Variants in ZFAND3 observed in about 807,000 individuals in gnomAD.
The protein encoded by ZFAND3 is zinc finger AN1-type containing 3.
Under a neutral mutation model 29.6 loss-of-function variants are expected in ZFAND3, and 10 were observed. That is an observed-to-expected ratio of 0.34 (90% confidence interval 0.21 to 0.57). ZFAND3 has a LOEUF of 0.57. Among genes scored for constraint, ZFAND3 ranks in the 20% least tolerant of loss-of-function variants. The probability of loss-of-function intolerance (pLI) is 0.86; values close to 1 mark genes in which losing one functional copy is unlikely to be tolerated. For missense variants in ZFAND3, 230 were observed against 304.5 expected, an observed-to-expected ratio of 0.76 and a Z score of 1.82; for synonymous variants, 128 against 112.6, an observed-to-expected ratio of 1.14 and a Z score of -0.87.
rs569936534 is a variant in ZFAND3 at position 37,841,391 on chromosome 6, C to T, written c.71+21375C>T. On this transcript the variant is annotated intron_variant, in intron 1 of 5. Coordinates refer to ENST00000287218, the MANE Select transcript of ZFAND3 (RefSeq NM_021943.3). ...ATCTATTAATCTTATTTTTTATTTTCCAAGTAAATTGTAGACTCAATACAT... is the reference window on the plus strand; with the variant it reads ...ATCTATTAATCTTATTTTTTATTTTTCAAGTAAATTGTAGACTCAATACAT... Among the ~76,000 whole-genome samples, 8 of 152,298 alleles carry T rather than the reference C, an allele frequency of 5.3e-5. No individual in the cohort carries two copies. In the South Asian group the frequency reaches 1.7e-3, roughly 32 times the overall value.
intron 2 of ZFAND3, among the ~76,000 whole-genome samples, chr6:38,025,303 A>T (rs899303947): frequency 6.6e-6 from 1 of 152,224 alleles, no homozygotes; most frequent in African/African-American, 2.4e-5. Flanking sequence ...ATACTTTTTC[A>T]TAATTACTGG....
intron 1 of ZFAND3, among the ~76,000 whole-genome samples, chr6:37,855,319 T>C (rs1209407970): frequency 6.6e-6 from 1 of 151,142 alleles, no homozygotes; most frequent in East Asian, 1.9e-4. Flanking sequence ...TAACTCTTTT[T>C]TTTTTTTTTT....
At chr6:38,094,388 T>C (rs1464961498) in intron 4 of ZFAND3, among the ~76,000 whole-genome samples, 5 of 152,094 alleles carry the variant, frequency 3.3e-5, no homozygotes, top group Non-Finnish European at 7.4e-5. Context: ...TAAGATTTCA[T>C]TTTTATAAAA....
chr6:38,048,965 C>A (rs1209643793), intron 2 of ZFAND3, among the ~76,000 whole-genome samples: 1 of 152,106 alleles, frequency 6.6e-6, no homozygotes, highest in Non-Finnish European at 1.5e-5. Context: ...AAGGGTCTTA[C>A]ATTTTTGGCT....
intron 1 of ZFAND3, among the ~76,000 whole-genome samples, chr6:37,821,219 T>G (rs1233027504): frequency 1.3e-5 from 2 of 152,174 alleles, no homozygotes; most frequent in East Asian, 3.8e-4. Flanking sequence ...AAGTGGATCT[T>G]AATGTAGACT....
Position 38,154,230 on chromosome 6 carries a change from GA to G in ZFAND3, c.*1843del. ...TAGGCTTCCGCCAAGCTCTGGTCCC[GA>G]AGAGGCTGTGCGAGCCCTTCCCGGC... On this transcript the variant is annotated 3_prime_UTR_variant, in exon 6 of 6. Coordinates refer to ENST00000287218, the MANE Select transcript of ZFAND3 (RefSeq NM_021943.3). The G allele has an allele frequency of 1.0e-6, 1 of 985,552 alleles. No homozygotes were observed. Among genetic ancestry groups the G allele is most frequent in the Non-Finnish European group, 1.2e-6 (1 of 830,024 alleles). The allele number at this position is 985,552 out of a possible 1,614,324, so 61.1% of individuals were successfully genotyped here.
chr6:37,936,200 A>C (rs1257620035), intron 2 of ZFAND3, among the ~76,000 whole-genome samples: 2 of 152,246 alleles, frequency 1.3e-5, no homozygotes, highest in Non-Finnish European at 2.9e-5. Flanking sequence ...GAGGATGATC[A>C]CAAGTGGGGA....
chr6:38,130,728 G>T (rs1027444094), intron 5 of ZFAND3, among the ~76,000 whole-genome samples: 4 of 152,084 alleles, frequency 2.6e-5, no homozygotes, highest in Non-Finnish European at 5.9e-5. Context: ...ATTTTGTTAA[G>T]GATTTTAGCA....
intron 5 of ZFAND3, among the ~76,000 whole-genome samples, chr6:38,140,673 T>A (rs1345440983): frequency 2.0e-5 from 3 of 152,168 alleles, no homozygotes; most frequent in Non-Finnish European, 4.4e-5. Context: ...GGTGTTTTTT[T>A]ATACCCAAAT....
chr6:37,974,706 T>C (rs995734821), intron 2 of ZFAND3, among the ~76,000 whole-genome samples: 1 of 152,186 alleles, frequency 6.6e-6, no homozygotes, highest in South Asian at 2.1e-4. Flanking sequence ...ATATATACTC[T>C]TGTTTGGTCT....
intron 2 of ZFAND3, among the ~76,000 whole-genome samples, chr6:37,933,361 G>C (rs749718707): frequency 3.9e-5 from 6 of 152,180 alleles, no homozygotes; most frequent in Non-Finnish European, 8.8e-5. Context: ...AGAATACGTT[G>C]TAGGTTAGGA....
Position 37,827,643 on chromosome 6 carries a change from A to G in ZFAND3, c.71+7627A>G, listed in dbSNP as rs745347961. On this transcript the variant is annotated intron_variant, in intron 1 of 5. Coordinates refer to ENST00000287218, the MANE Select transcript of ZFAND3 (RefSeq NM_021943.3). ...CTGTGATGCACCCAGGCTAATAGAA[A>G]TAAGTGAATGAAAATGCATGTCATC... is the stretch of plus-strand genomic sequence containing the variant. Among the ~76,000 whole-genome samples the G allele has an allele frequency of 2.0e-5, 3 of 152,214 alleles. No homozygotes were observed. In the East Asian group the frequency reaches 5.8e-4, roughly 29 times the overall value.
rs150811022 is a variant in ZFAND3 at position 38,074,124 on chromosome 6, G to A, written c.296-8268G>A. Among the ~76,000 whole-genome samples, 763 of 152,250 alleles carry A rather than the reference G, an allele frequency of 5.0e-3. 9 individuals are homozygous for A. Among genetic ancestry groups the A allele is most frequent in the African/African-American group, 0.015 (631 of 41,544 alleles). ...CAGTGGTTCTCAAATGTGGTCCAAA[G>A]ATCCATAGAAGTCCCCAAGTCCCTC... On this transcript the variant is annotated intron_variant, in intron 3 of 5. Transcript: ENST00000287218.
chr6:38,121,133 C>A (rs1765525958), intron 5 of ZFAND3, among the ~76,000 whole-genome samples: 1 of 152,062 alleles, frequency 6.6e-6, no homozygotes, highest in Non-Finnish European at 1.5e-5. Context: ...GTGGGGGAAT[C>A]CCTTGAGGCC....
rs1358884524 is a variant in ZFAND3, at chr6:37,874,509, C to T, written c.71+54493C>T. On this transcript the variant is annotated intron_variant, in intron 1 of 5. Coordinates refer to ENST00000287218, the MANE Select transcript of ZFAND3 (RefSeq NM_021943.3). ...AGCCTGGGCAACAAGAGTGAAACTC[C>T]GTCTCAAAAAAAAAAAAAAAAAAAA... is the stretch of plus-strand genomic sequence containing the variant. Among the ~76,000 whole-genome samples, 5 of 106,266 alleles carry T rather than the reference C, an allele frequency of 4.7e-5. No individual in the cohort carries two copies. The East Asian group carries it at 7.2e-4, about 15-fold the overall frequency. 69.7% of individuals were successfully genotyped at this position (106,266 alleles called of 152,430 possible).
rs150516118 is a variant in ZFAND3 at position 38,046,878 on chromosome 6, A to G, written c.113-14715A>G. ...ATGGCATTCATACACTCAGATTTTTATTAACGCTATTACAGAATTTAGTAC... is the reference window on the plus strand; with the variant it reads ...ATGGCATTCATACACTCAGATTTTTGTTAACGCTATTACAGAATTTAGTAC... On this transcript the variant is annotated intron_variant, in intron 2 of 5. Coordinates refer to ENST00000287218, the MANE Select transcript of ZFAND3 (RefSeq NM_021943.3). 6.6e-5 allele frequency among the ~76,000 whole-genome samples: 10 copies of G among 152,258 alleles called. No individual in the cohort carries two copies. The East Asian group carries it at 1.9e-3, about 29-fold the overall frequency.
intron 3 of ZFAND3, among the ~76,000 whole-genome samples, chr6:38,067,976 G>A (rs1476815850): frequency 1.3e-5 from 2 of 152,196 alleles, no homozygotes; most frequent in African/African-American, 2.4e-5. Flanking sequence ...TTTCTAGGCA[G>A]GAGAGGAAGA....
At chr6:37,952,879 T>G (rs1406827442) in intron 2 of ZFAND3, among the ~76,000 whole-genome samples, 1 of 151,602 alleles carries the variant, frequency 6.6e-6, no homozygotes, top group Non-Finnish European at 1.5e-5. Context: ...CAGATCTGCT[T>G]GGAGTGTGCT....
At chr6:38,105,066 A>T (rs1765180626) in intron 4 of ZFAND3, among the ~76,000 whole-genome samples, 1 of 152,232 alleles carries the variant, frequency 6.6e-6, no homozygotes, top group Non-Finnish European at 1.5e-5. Context: ...AAATGCAGGT[A>T]GTAGCTACCT....
Sources: allele counts gnomAD v4.1 joint callset (sites outside exome capture counted in the v4.1 genomes callset), GRCh38; gene constraint gnomAD v4.1.1; transcripts MANE v1.5; gene names NCBI Gene and HGNC (gene_info 2026-07-23, HGNC 2026-07-21).